The following SNRNP35 variants were observed in gnomAD, a reference collection of about 807,000 sequenced individuals.
SNRNP35 encodes the protein U11/U12 small nuclear ribonucleoprotein 35 kDa protein.
Under a neutral mutation model 24.3 loss-of-function variants are expected in SNRNP35, and 16 were observed. The observed-to-expected ratio is 0.66, with a 90% confidence interval of 0.45 to 1.00. The LOEUF (loss-of-function observed/expected upper bound fraction) is 1.00, where lower values mean the gene tolerates loss of function less well. Ranked by LOEUF, SNRNP35 falls within the 50% of genes least tolerant of loss-of-function variation. SNRNP35 has a pLI of 0.00. For missense variants in SNRNP35, 292 were observed against 327.2 expected, an observed-to-expected ratio of 0.89 and a Z score of 0.83; for synonymous variants, 106 against 124.8, an observed-to-expected ratio of 0.85 and a Z score of 1.00.
chr12:123,466,439 GAT>G lies in SNRNP35; in HGVS notation c.*160_*161del, dbSNP rs1880989703. The G allele has an allele frequency of 7.0e-6, 5 of 717,758 alleles. No homozygotes were observed. The East Asian group carries it at 8.4e-5, about 12-fold the overall frequency. 44.5% of individuals were successfully genotyped at this position (717,758 alleles called of 1,614,324 possible). ...CCAATCTGGAACTTCGGTTCAAGCT[GAT>G]AGGAATTTATCATCTTCCTCACATA... On this transcript the variant is annotated 3_prime_UTR_variant, in exon 2 of 2. Transcript: ENST00000526639.
intron 1 of SNRNP35, among the ~76,000 whole-genome samples, chr12:123,463,857 G>A (rs1880781638): frequency 6.6e-6 from 1 of 150,382 alleles, no homozygotes; most frequent in Non-Finnish European, 1.5e-5. Flanking sequence ...CTCGCCTCCT[G>A]GGTTCAAGCC....
downstream of SNRNP35, among the ~76,000 whole-genome samples, chr12:123,469,551 C>T (rs918041282): frequency 1.3e-5 from 2 of 152,014 alleles, no homozygotes; most frequent in Non-Finnish European, 2.9e-5. Flanking sequence ...GGCTGGAGTG[C>T]AGTGGTGTGA....
chr12:123,460,286 G>A lies in SNRNP35; in HGVS notation c.-4+2070G>A, dbSNP rs546135706. ...TTATATTTTATGAAAAGCATCAGAG[G>A]AAACGATTAAGAGCTTTAGCTCTGG... On this transcript the variant is annotated intron_variant, in intron 1 of 1. Transcript: ENST00000526639. Among the ~76,000 whole-genome samples the A allele has an allele frequency of 2.6e-5, 4 of 152,214 alleles. No individual in the cohort carries two copies. In the East Asian group the frequency reaches 7.7e-4, roughly 29 times the overall value.
At chr12:123,469,656 C>A (rs1308099494), downstream of SNRNP35, among the ~76,000 whole-genome samples, 4 of 151,800 alleles carry the variant, frequency 2.6e-5, no homozygotes, top group Non-Finnish European at 2.9e-5. Flanking sequence ...ACCACACCCA[C>A]CTATTTTTTT....
intron 1 of SNRNP35, among the ~76,000 whole-genome samples, chr12:123,463,378 TTTC>T (rs541666616): frequency 2.0e-3 from 300 of 151,436 alleles, no homozygotes; most frequent in African/African-American, 6.8e-3. Flanking sequence ...TTTTTTTTTC[TTTC>T]TTCTTTCTTT....
exon 2 of SNRNP35, chr12:123,472,958 T>C (rs2139299957): frequency 2.8e-6 from 1 of 361,646 alleles, no homozygotes; most frequent in South Asian, 3.8e-5. Flanking sequence ...TTAGCCGCTA[T>C]GGAGGATTTA....
chr12:123,461,665 C>T (rs574212849), intron 1 of SNRNP35, among the ~76,000 whole-genome samples: 1 of 151,916 alleles, frequency 6.6e-6, no homozygotes, highest in African/African-American at 2.4e-5. Flanking sequence ...GTGTCATGTC[C>T]TGTTCTTGTT....
In SNRNP35 at chr12:123,465,646, C is replaced by A; in HGVS notation, c.106C>A (p.Leu36Met). The change falls in exon 2 of 2, where the codon CTG (leucine) becomes ATG (methionine). Residue 36 changes from leucine to methionine, a missense_variant. Physicochemically the swap from Leu to Met is conservative, Grantham distance 15 (BLOSUM62 2). Transcript: ENST00000526639. The surrounding 1 kb of genome is among the most constrained non-coding windows in gnomAD (Gnocchi z 4.2). ...CGACCGCGCGGTCTGGAGGGCAATG[C>A]TGGCACGATATGTCCCCAACAAAGG... ...PHDRAVWRAM[L>M]ARYVPNKGVI... 1 of 1,613,806 alleles carries A rather than the reference C, an allele frequency of 6.2e-7. No homozygotes were observed. Among genetic ancestry groups the A allele is most frequent in the African/African-American group, 1.3e-5 (1 of 75,024 alleles).
In SNRNP35 at chr12:123,466,369, GAATAA is replaced by G; in HGVS notation, c.*91_*95del. The G allele has an allele frequency of 7.6e-7, 1 of 1,318,954 alleles. No homozygotes were observed. Among genetic ancestry groups the G allele is most frequent in the Non-Finnish European group, 1.0e-6 (1 of 979,152 alleles). The allele number at this position is 1,318,954 out of a possible 1,614,324, so 81.7% of individuals were successfully genotyped here. ...TCAACGCAGCGTGAGTCTAATGGTT[GAATAA>G]AACTTACTGATGATCATGGGGTTTG... is the stretch of plus-strand genomic sequence containing the variant. On this transcript the variant is annotated 3_prime_UTR_variant, in exon 2 of 2. Transcript: ENST00000526639.
chr12:123,472,792 A>T, exon 2 of SNRNP35: 3 of 1,205,846 alleles, frequency 2.5e-6, no homozygotes, highest in Non-Finnish European at 3.5e-6. Flanking sequence ...GGAGCAAATC[A>T]ATTCAAGGTG....
chr12:123,464,362 C>T (rs112184752), intron 1 of SNRNP35: 43,854 of 151,748 alleles, frequency 0.29, 7,878 homozygotes, highest in African/African-American at 0.51. Context: ...GCCTCAGCCT[C>T]CTGAGTAGCT....
intron 1 of SNRNP35, among the ~76,000 whole-genome samples, chr12:123,463,359 G>T (rs1231906638): frequency 1.3e-5 from 2 of 151,102 alleles, no homozygotes; most frequent in Non-Finnish European, 2.9e-5. Flanking sequence ...ACTGCAACAG[G>T]TCAAGTTTTT....
At chr12:123,468,995 G>A (rs760565698), downstream of SNRNP35, among the ~76,000 whole-genome samples, 6 of 152,132 alleles carry the variant, frequency 3.9e-5, no homozygotes, top group Non-Finnish European at 5.9e-5. Flanking sequence ...ACCCCCATAT[G>A]GTAGACCAGG....
Position 123,465,793 on chromosome 12 carries a change from G to C in SNRNP35, c.253G>C (p.Asp85His). The C allele has an allele frequency of 6.2e-7, 1 of 1,614,128 alleles. No homozygotes were observed. ...GDIRRLRLVR[D>H]LVTGFSKGYA... Reference sequence around the variant, plus strand: ...CATCCGGCGGCTTCGGCTGGTCAGGGACTTGGTCACAGGTTTTTCAAAGGG... The same window carrying C: ...CATCCGGCGGCTTCGGCTGGTCAGGCACTTGGTCACAGGTTTTTCAAAGGG... Residue 85 changes from aspartate to histidine, a missense_variant, in exon 2 of 2, where the codon GAC becomes CAC. By Grantham distance (81) the Asp-to-His change is moderately conservative (BLOSUM62 -1). Transcript: ENST00000526639. This position sits in a 1 kb window ranked among gnomAD's most constrained non-coding sequence, Gnocchi z 4.2.
intron 1 of SNRNP35, among the ~76,000 whole-genome samples, chr12:123,462,919 A>C (rs1206388879): frequency 6.6e-6 from 1 of 152,318 alleles, no homozygotes; most frequent in African/African-American, 2.4e-5. Flanking sequence ...TAACCCATCA[A>C]CTGAGGGAGA....
intron 1 of SNRNP35, chr12:123,459,653 TG>T: frequency 1.9e-6 from 1 of 524,670 alleles, no homozygotes; most frequent in African/African-American, 1.9e-5. Flanking sequence ...CTGGGCGTGG[TG>T]GTGTGTGTCT....
intron 1 of SNRNP35, among the ~76,000 whole-genome samples, chr12:123,461,513 T>C (rs1330763025): frequency 6.6e-6 from 1 of 151,960 alleles, no homozygotes; most frequent in Non-Finnish European, 1.5e-5. Flanking sequence ...AGGACTGAAA[T>C]TGTCTCCCTC....
At chr12:123,458,516 C>T (rs1396406112) in intron 1 of SNRNP35, among the ~76,000 whole-genome samples, 2 of 151,550 alleles carry the variant, frequency 1.3e-5, no homozygotes, top group Non-Finnish European at 2.9e-5. Flanking sequence ...TGTTTGCCTC[C>T]GAGGCCCACT....
chr12:123,470,232 C>G (rs1881122641), downstream of SNRNP35: 1 of 151,794 alleles, frequency 6.6e-6, no homozygotes, highest in African/African-American at 2.4e-5. Flanking sequence ...ATTCCCAGCA[C>G]TTTGGGAGGC....
Sources: gnomAD v4.1 joint callset for allele counts (sites outside exome capture counted in the v4.1 genomes callset) on GRCh38, gnomAD v4.1.1 for gene constraint, Gnocchi (gnomAD v3.1) non-coding constraint, MANE v1.5 for transcripts, NCBI Gene and HGNC (gene_info 2026-07-23, HGNC 2026-07-21) for gene names.